Variants in MAPK9 observed in about 807,000 individuals in gnomAD.
MAPK9 encodes mitogen-activated protein kinase 9.
Under a neutral mutation model 57.1 loss-of-function variants are expected in MAPK9, and 30 were observed. The ratio of observed to expected loss-of-function variants is 0.53; its 90% CI spans 0.39 to 0.71. MAPK9 has a LOEUF of 0.71. Ranked by LOEUF, MAPK9 falls within the 30% of genes least tolerant of loss-of-function variation. The probability of loss-of-function intolerance (pLI) is 0.00; values close to 1 mark genes in which losing one functional copy is unlikely to be tolerated. For synonymous variants in MAPK9, 155 were observed against 177.0 expected, an observed-to-expected ratio of 0.88 and a Z score of 0.99; for missense variants, 362 against 521.0, an observed-to-expected ratio of 0.69 and a Z score of 2.97.
intron 2 of MAPK9, among the ~76,000 whole-genome samples, chr5:180,274,214 C>A (rs763206827): frequency 2.0e-5 from 3 of 152,058 alleles, no homozygotes; most frequent in Non-Finnish European, 2.9e-5. Context: ...TAAGTGGTAT[C>A]CTTTTCAAAT....
chr5:180,261,860 T>C (rs1466332203), intron 4 of MAPK9, 38 bp from the exon 5 acceptor site: 1 of 1,561,832 alleles, frequency 6.4e-7, no homozygotes, highest in Admixed American at 1.8e-5. Context: ...TTGAAAATTA[T>C]CCAAAGTTCC....
chr5:180,263,654 G>A (rs1342860094), intron 4 of MAPK9, among the ~76,000 whole-genome samples: 1 of 150,690 alleles, frequency 6.6e-6, no homozygotes, highest in Non-Finnish European at 1.5e-5. Flanking sequence ...AGCGCTGTCT[G>A]TTCCTTCTAT....
At chr5:180,260,103 AACT>A (rs1041111320) in intron 5 of MAPK9, among the ~76,000 whole-genome samples, 31 of 152,232 alleles carry the variant, frequency 2.0e-4, no homozygotes, top group African/African-American at 7.0e-4. Flanking sequence ...TACGAAACAA[AACT>A]ACTACTGAGG....
At position 180,241,122 on chromosome 5, in the gene MAPK9, A is replaced by G; in HGVS notation, c.905T>C (p.Leu302Ser). 1 of 1,613,944 alleles carries G rather than the reference A, an allele frequency of 6.2e-7. No individual in the cohort carries two copies. Among genetic ancestry groups the G allele is most frequent in the Non-Finnish European group, 8.5e-7 (1 of 1,179,898 alleles). ...GATCCGCTTGTCAGGATCAATCACT[A>G]ACATTTTTGATAACAGATCTCTGGC... Reference protein sequence around the residue: ...SQARDLLSKMLVIDPDKRISV... With the variant: ...SQARDLLSKMSVIDPDKRISV... The change falls in exon 9 of 12, where the codon TTA (leucine) becomes TCA (serine). Residue 302 changes from leucine (L) to serine (S), a missense_variant. Coordinates refer to ENST00000452135, the MANE Select transcript of MAPK9 (RefSeq NM_002752.5).
In MAPK9 at chr5:180,234,691, C is replaced by T. The variant is rs529660888; in HGVS notation, c.*1693G>A. ...ATAGATAGCCATAAAATAGGTGTTT[C>T]CGCCTCAATCCAAGTTATTATTACC... On this transcript the variant is annotated 3_prime_UTR_variant, in exon 12 of 12. Transcript: ENST00000452135. The T allele has an allele frequency of 3.3e-4, 50 of 152,258 alleles. No homozygotes were observed. The highest frequency in any genetic ancestry group is 1.2e-3 in the African/African-American group (49 of 41,540). The allele number at this position is 152,258 out of a possible 1,614,324, so 9.4% of individuals were successfully genotyped here. A position where few individuals can be genotyped will look rare whatever the true frequency, so the allele number is the denominator to read the frequency against.
At chr5:180,267,281 T>G (rs1581249524) in intron 3 of MAPK9, among the ~76,000 whole-genome samples, 1 of 152,052 alleles carries the variant, frequency 6.6e-6, no homozygotes, top group Admixed American at 6.6e-5. Context: ...GTAAAACAAG[T>G]CCGGGTGCGG....
intron 2 of MAPK9, among the ~76,000 whole-genome samples, chr5:180,272,218 G>A (rs1004311494): frequency 2.6e-5 from 4 of 152,166 alleles, no homozygotes; most frequent in African/African-American, 9.7e-5. Flanking sequence ...CTCTCTTGCT[G>A]GAGTACATCC....
intron 3 of MAPK9, among the ~76,000 whole-genome samples, chr5:180,269,072 G>A (rs1041196326): frequency 6.6e-6 from 1 of 152,184 alleles, no homozygotes; most frequent in African/African-American, 2.4e-5. Context: ...CCGGGAGGTG[G>A]AGCTTGCAGA....
At position 180,247,400 on chromosome 5, in the gene MAPK9, A is replaced by G; in HGVS notation, c.688+39T>C. On this transcript the variant is annotated intron_variant, in intron 7 of 11. Transcript: ENST00000452135. The surrounding 1 kb of genome is among the most constrained non-coding windows in gnomAD (Gnocchi z 4.5). Reference sequence around the variant, plus strand: ...AGGTGGTCATGCTGCCTGAGGCATTAAGAAAGCATGGCGGGGCCAAGGTCG... The same window carrying G: ...AGGTGGTCATGCTGCCTGAGGCATTGAGAAAGCATGGCGGGGCCAAGGTCG... The G allele has an allele frequency of 1.2e-6, 2 of 1,613,974 alleles. No individual in the cohort carries two copies. Among genetic ancestry groups the G allele is most frequent in the Non-Finnish European group, 1.7e-6 (2 of 1,179,812 alleles).
chr5:180,279,598 C>T (rs2127620518), intron 2 of MAPK9, among the ~76,000 whole-genome samples: 1 of 152,240 alleles, frequency 6.6e-6, no homozygotes, highest in African/African-American at 2.4e-5. Flanking sequence ...CTCCCTCAAC[C>T]CCCTCTGCCT....
At position 180,280,612 on chromosome 5, in the gene MAPK9, C is replaced by T; in HGVS notation, c.-47-4G>A. On this transcript the variant is annotated splice_region_variant and splice_polypyrimidine_tract_variant and intron_variant, in intron 1 of 11. Transcript: ENST00000452135. ...AGGGTGGGCAAGTTTCAGATCCCTT[C>T]AAAGAAAAACAGAATGAACGTGCAT... The T allele has an allele frequency of 6.3e-7, 1 of 1,589,896 alleles. No homozygotes were observed. The highest frequency in any genetic ancestry group is 8.6e-7 in the Non-Finnish European group (1 of 1,166,630).
At chr5:180,238,737 T>C (rs919247797) in intron 10 of MAPK9, among the ~76,000 whole-genome samples, 1 of 151,342 alleles carries the variant, frequency 6.6e-6, no homozygotes, top group Admixed American at 6.6e-5. Flanking sequence ...GCCATCCAAA[T>C]TGCTGGGATT....
chr5:180,276,894 T>C (rs752337028), intron 2 of MAPK9, among the ~76,000 whole-genome samples: 10 of 152,216 alleles, frequency 6.6e-5, no homozygotes, highest in Non-Finnish European at 1.0e-4. Flanking sequence ...ACTTATTTCC[T>C]AATAAATTTT....
At chr5:180,238,438 G>T in intron 10 of MAPK9, 35 bp from the exon 11 acceptor site, 1 of 1,430,806 alleles carries the variant, frequency 7.0e-7, no homozygotes, top group Non-Finnish European at 9.8e-7. Flanking sequence ...TGCTTAATCA[G>T]TTTCTAAACA....
At chr5:180,246,204 T>G (rs1187537104) in intron 7 of MAPK9, 1 of 152,168 alleles carries the variant, frequency 6.6e-6, no homozygotes, top group Non-Finnish European at 1.5e-5. Context: ...TCTTTTAATT[T>G]TTCAACTTTT....
intron 3 of MAPK9, among the ~76,000 whole-genome samples, chr5:180,267,456 G>A (rs1437595388): frequency 6.6e-6 from 1 of 151,612 alleles, no homozygotes; most frequent in East Asian, 1.9e-4. Context: ...CGGCTACTCG[G>A]GAGGCTGAGG....
chr5:180,264,381 G>T (rs1402726650), intron 4 of MAPK9, among the ~76,000 whole-genome samples: 2 of 152,108 alleles, frequency 1.3e-5, no homozygotes, highest in African/African-American at 4.8e-5. Context: ...TTAGTAAGAT[G>T]ATTCTACTTA....
chr5:180,235,721 T>C lies in MAPK9; in HGVS notation c.*663A>G, dbSNP rs1757125779. ...AAGACAGTTTAAAGAAAACAAGATG[T>C]CCACATAAGTGTCTTGGTTTTAGCC... On this transcript the variant is annotated 3_prime_UTR_variant, in exon 12 of 12. Transcript: ENST00000452135. The C allele has an allele frequency of 6.6e-6, 1 of 152,224 alleles. No homozygotes were observed. Among genetic ancestry groups the C allele is most frequent in the African/African-American group, 2.4e-5 (1 of 41,460 alleles). 9.4% of individuals were successfully genotyped at this position (152,224 alleles called of 1,614,324 possible).
At chr5:180,238,466 A>C in intron 10 of MAPK9, 63 bp from the exon 11 acceptor site, 5 of 1,160,534 alleles carry the variant, frequency 4.3e-6, no homozygotes, top group South Asian at 3.8e-5. Flanking sequence ...TGTATCTCTA[A>C]ACTCTGCTTC....
Sources: gnomAD v4.1 joint callset for allele counts (sites outside exome capture counted in the v4.1 genomes callset) on GRCh38, gnomAD v4.1.1 for gene constraint, Gnocchi (gnomAD v3.1) non-coding constraint, MANE v1.5 for transcripts, NCBI Gene and HGNC (gene_info 2026-07-23, HGNC 2026-07-21) for gene names.